The following FBXO32 variants were observed in gnomAD, a reference collection of about 807,000 sequenced individuals.
FBXO32 encodes F-box protein 32.
A neutral mutation model predicts 48.3 loss-of-function variants in FBXO32; 15 were observed. The observed-to-expected ratio is 0.31, with a 90% confidence interval of 0.21 to 0.48. The LOEUF (loss-of-function observed/expected upper bound fraction) is 0.48, where lower values mean the gene tolerates loss of function less well. FBXO32 is among the 20% of genes least tolerant of loss of function. The pLI is 0.99. For missense variants in FBXO32, 309 were observed against 432.7 expected (o/e 0.71, Z 2.54); for synonymous variants, 154 against 165.9 (o/e 0.93, Z 0.55).
intron 4 of FBXO32, among the ~76,000 whole-genome samples, chr8:123,523,432 A>G (rs1477042974): frequency 2.0e-5 from 3 of 152,192 alleles, no homozygotes; most frequent in Non-Finnish European, 4.4e-5. Flanking sequence ...TCTACTAAAA[A>G]TACATAAATT....
chr8:123,505,181 G>T (rs1236269335), intron 7 of FBXO32, among the ~76,000 whole-genome samples: 1 of 152,098 alleles, frequency 6.6e-6, no homozygotes, highest in Non-Finnish European at 1.5e-5. Context: ...AGAACTTGTT[G>T]AACTCACACA....
At chr8:123,521,150 A>G (rs1816945525) in intron 4 of FBXO32, among the ~76,000 whole-genome samples, 1 of 152,206 alleles carries the variant, frequency 6.6e-6, no homozygotes, top group African/African-American at 2.4e-5. Context: ...TTGTTCACTT[A>G]CTTGCTGATA....
At chr8:123,503,522 C>A in intron 8 of FBXO32, 60 bp from the exon 9 acceptor site, 1 of 1,366,516 alleles carries the variant, frequency 7.3e-7, no homozygotes, top group Non-Finnish European at 1.0e-6. Flanking sequence ...GCTTTTAGCA[C>A]CATAAGGCAT....
At chr8:123,524,342 T>A (rs1312469304) in intron 4 of FBXO32, among the ~76,000 whole-genome samples, 1 of 152,150 alleles carries the variant, frequency 6.6e-6, no homozygotes, top group Non-Finnish European at 1.5e-5. Flanking sequence ...TAATAATGAC[T>A]AACAAGGCCA....
chr8:123,517,825 A>G (rs1466725532), intron 4 of FBXO32, among the ~76,000 whole-genome samples: 2 of 152,208 alleles, frequency 1.3e-5, no homozygotes, highest in African/African-American at 4.8e-5. Context: ...TCCACAGTAA[A>G]TACCAAACAT....
chr8:123,529,596 C>T (rs1158632929), intron 4 of FBXO32, among the ~76,000 whole-genome samples: 1 of 152,208 alleles, frequency 6.6e-6, no homozygotes, highest in Non-Finnish European at 1.5e-5. Flanking sequence ...TACTTCAGCT[C>T]CTCTGCTCAC....
At position 123,516,733 on chromosome 8, in the gene FBXO32, C is replaced by G. The variant is rs142290810; in HGVS notation, c.373-2400G>C. On this transcript the variant is annotated intron_variant, in intron 4 of 8. Transcript: ENST00000517956. ...CCCCCAAACCAAACTCCTTTTTCTCCCTGGCTTCTGTATCTTTTCCACATG... is the reference window on the plus strand; with the variant it reads ...CCCCCAAACCAAACTCCTTTTTCTCGCTGGCTTCTGTATCTTTTCCACATG... Among the ~76,000 whole-genome samples, 1,393 of 152,178 alleles carry G rather than the reference C, an allele frequency of 9.2e-3. 23 individuals are homozygous for G. The highest frequency in any genetic ancestry group is 0.032 in the African/African-American group (1,329 of 41,514).
rs753232442 is a variant in FBXO32 at position 123,506,461 on chromosome 8, G to A, written c.765C>T (p.Asp255=). Residue 255 remains aspartate, a synonymous_variant, in exon 7 of 9, where the codon GAC becomes GAT. Transcript: ENST00000517956. This position sits in a 1 kb window ranked among gnomAD's most constrained non-coding sequence, Gnocchi z 4.0. ...GCCGGTCTTCGCTGAGCACGTGCAGGTCGGGGGCAGCCTGGCCCAGGCTGA... is the reference window on the plus strand; with the variant it reads ...GCCGGTCTTCGCTGAGCACGTGCAGATCGGGGGCAGCCTGGCCCAGGCTGA... ...DLVSLGQAAP[D]LHVLSEDRLL... 1.2e-6 allele frequency: 2 copies of A among 1,614,128 alleles called. No individual in the cohort carries two copies. The highest frequency in any genetic ancestry group is 1.7e-6 in the Non-Finnish European group (2 of 1,180,022).
intron 2 of FBXO32, among the ~76,000 whole-genome samples, chr8:123,533,836 G>C (rs553713649): frequency 1.3e-5 from 2 of 151,696 alleles, no homozygotes; most frequent in South Asian, 4.2e-4. Context: ...GGCTTTGACA[G>C]ACTGAGTTAC....
At chr8:123,509,791 A>G (rs1816701022) in intron 6 of FBXO32, among the ~76,000 whole-genome samples, 1 of 152,214 alleles carries the variant, frequency 6.6e-6, no homozygotes, top group Non-Finnish European at 1.5e-5. Flanking sequence ...AATATAAGGA[A>G]GCTCAGAGCC....
intron 7 of FBXO32, among the ~76,000 whole-genome samples, chr8:123,505,752 CA>C (rs1161150711): frequency 5.9e-5 from 9 of 151,878 alleles, no homozygotes; most frequent in Non-Finnish European, 8.8e-5. Flanking sequence ...CAAAACAAAA[CA>C]AAAAGTACTG....
Position 123,504,700 on chromosome 8 carries a change from C to A in FBXO32, c.882G>T (p.Lys294Asn), listed in dbSNP as rs774712644. ...ATCGGACAAGTTTGAAATACATCTTCTTCCAATCCAGCTGCCCTTTGTCTG... is the reference window on the plus strand; with the variant it reads ...ATCGGACAAGTTTGAAATACATCTTATTCCAATCCAGCTGCCCTTTGTCTG... ...ILSDKGQLDW[K>N]KMYFKLVRCY... is the part of the protein sequence containing the mutation. The change falls in exon 8 of 9, where the codon AAG becomes AAT. Residue 294 changes from lysine (K) to asparagine (N), a missense_variant. Coordinates refer to ENST00000517956, the MANE Select transcript of FBXO32 (RefSeq NM_058229.4). 29 of 1,614,056 alleles carry A rather than the reference C, an allele frequency of 1.8e-5. No homozygotes were observed. The highest frequency in any genetic ancestry group is 2.4e-5 in the Non-Finnish European group (28 of 1,180,026).
At chr8:123,510,397 A>T (rs1385167969) in intron 6 of FBXO32, among the ~76,000 whole-genome samples, 2 of 152,128 alleles carry the variant, frequency 1.3e-5, no homozygotes, top group Non-Finnish European at 2.9e-5. Context: ...GGATCACTTG[A>T]GGTCAGGAGT....
In FBXO32 at chr8:123,503,100, T is replaced by C; in HGVS notation, c.*273A>G. 3.8e-6 allele frequency: 1 copy of C among 261,938 alleles called. No individual in the cohort carries two copies. The highest frequency in any genetic ancestry group is 5.2e-5 in the Admixed American group (1 of 19,288). The allele number at this position is 261,938 out of a possible 1,614,324, so 16.2% of individuals were successfully genotyped here. Reference sequence around the variant, plus strand: ...CATTTTCACCGCTGAAATAGAATTATTGCCCTTATAGTCTTGCTGGCAAAT... The same window carrying C: ...CATTTTCACCGCTGAAATAGAATTACTGCCCTTATAGTCTTGCTGGCAAAT... On this transcript the variant is annotated 3_prime_UTR_variant, in exon 9 of 9. Transcript: ENST00000517956.
intron 6 of FBXO32, among the ~76,000 whole-genome samples, chr8:123,511,785 C>A (rs16898476): frequency 0.074 from 11,183 of 152,098 alleles, 827 homozygotes; most frequent in East Asian, 0.44. Flanking sequence ...CAACTGTGAT[C>A]GTCTAAATGG....
intron 4 of FBXO32, among the ~76,000 whole-genome samples, chr8:123,522,127 G>C (rs1816968111): frequency 6.6e-6 from 1 of 151,988 alleles, no homozygotes; most frequent in Admixed American, 6.5e-5. Flanking sequence ...AAATAATAAG[G>C]AGAGCCAAGT....
At chr8:123,517,645 A>G (rs927553973) in intron 4 of FBXO32, among the ~76,000 whole-genome samples, 1 of 152,136 alleles carries the variant, frequency 6.6e-6, no homozygotes, top group Admixed American at 6.5e-5. Flanking sequence ...TGACAGGGAC[A>G]TGATGATGAA....
intron 4 of FBXO32, among the ~76,000 whole-genome samples, chr8:123,524,427 T>C (rs1432900732): frequency 6.6e-6 from 1 of 152,256 alleles, no homozygotes; most frequent in Non-Finnish European, 1.5e-5. Flanking sequence ...GCCCACCCTG[T>C]ACCCTCAAAG....
intron 4 of FBXO32, among the ~76,000 whole-genome samples, chr8:123,521,232 T>C (rs1017087934): frequency 6.6e-6 from 1 of 151,516 alleles, no homozygotes; most frequent in Non-Finnish European, 1.5e-5. Flanking sequence ...GCTTGGCACA[T>C]GGTAAGCACT....
Sources: gnomAD v4.1 joint callset for allele counts (sites outside exome capture counted in the v4.1 genomes callset) on GRCh38, gnomAD v4.1.1 for gene constraint, Gnocchi (gnomAD v3.1) non-coding constraint, MANE v1.5 for transcripts, NCBI Gene and HGNC (gene_info 2026-07-23, HGNC 2026-07-21) for gene names.